The following HDAC1 variants were observed in gnomAD, a reference collection of about 807,000 sequenced individuals.
HDAC1 encodes histone deacetylase 1, also known as protein deacetylase HDAC1.
A neutral mutation model predicts 65.5 loss-of-function variants in HDAC1; 18 were observed. The observed-to-expected ratio is 0.27, with a 90% CI of 0.19 to 0.41. HDAC1 has a LOEUF of 0.41. HDAC1 is among the 10% of genes least tolerant of loss of function. The pLI is 1.00. For missense variants in HDAC1, 373 were observed against 625.2 expected (o/e 0.60, Z 4.30); for synonymous variants, 211 against 227.9 (o/e 0.93, Z 0.67).
At chr1:32,322,564 C>T (rs181749974) in intron 3 of HDAC1, among the ~76,000 whole-genome samples, 3 of 152,256 alleles carry the variant, frequency 2.0e-5, no homozygotes, top group Non-Finnish European at 1.5e-5. Context: ...CCACCGCGCC[C>T]GGCCAGTAGT....
Position 32,327,454 on chromosome 1 carries a change from G to A in HDAC1, c.495-82G>A. On this transcript the variant is annotated intron_variant, in intron 5 of 13. Coordinates refer to ENST00000373548, the MANE Select transcript of HDAC1 (RefSeq NM_004964.3). The surrounding 1 kb of genome is among the most constrained non-coding windows in gnomAD (Gnocchi z 6.0). ...TAGAGATACCTGAGGGAGGCAGCCA[G>A]CCCGGTAAGCTGGGAGCTAGCGCCC... 1.9e-6 allele frequency: 2 copies of A among 1,066,570 alleles called. No homozygotes were observed. Among genetic ancestry groups the A allele is most frequent in the Non-Finnish European group, 2.9e-6 (2 of 699,280 alleles). 66.1% of individuals were successfully genotyped at this position (1,066,570 alleles called of 1,614,324 possible). A position where few individuals can be genotyped will look rare whatever the true frequency, so the allele number is the denominator to read the frequency against.
At chr1:32,308,818 C>T (rs571431680) in intron 2 of HDAC1, among the ~76,000 whole-genome samples, 5 of 149,752 alleles carry the variant, frequency 3.3e-5, no homozygotes, top group Non-Finnish European at 5.9e-5. Context: ...GCGCCTGGCC[C>T]GTTTTATTTT....
chr1:32,306,163 C>G (rs1398751909), intron 2 of HDAC1, among the ~76,000 whole-genome samples: 1 of 151,648 alleles, frequency 6.6e-6, no homozygotes, highest in East Asian at 1.9e-4. Flanking sequence ...TGGCTATTTG[C>G]CCTTTCACTT....
rs1403962233 is a variant in HDAC1 at position 32,292,111 on chromosome 1, G to T, written c.-59G>T. 7.2e-6 allele frequency: 11 copies of T among 1,522,156 alleles called. No homozygotes were observed. The highest frequency in any genetic ancestry group is 6.9e-5 in the African/African-American group (5 of 72,470). The allele number at this position is 1,522,156 out of a possible 1,614,324, so 94.3% of individuals were successfully genotyped here. A position where few individuals can be genotyped will look rare whatever the true frequency, so the allele number is the denominator to read the frequency against. On this transcript the variant is annotated 5_prime_UTR_variant, in exon 1 of 14. Transcript: ENST00000373548. Reference sequence around the variant, plus strand: ...CTCCCCCCTGGGTCGGACGCTGAGCGGAGCCGCGGGCGGGAGGGCGGACGG... The same window carrying T: ...CTCCCCCCTGGGTCGGACGCTGAGCTGAGCCGCGGGCGGGAGGGCGGACGG...
At chr1:32,305,675 A>T (rs1221873796) in intron 2 of HDAC1, among the ~76,000 whole-genome samples, 1 of 144,404 alleles carries the variant, frequency 6.9e-6, no homozygotes, top group Non-Finnish European at 1.5e-5. Flanking sequence ...CACTGGTGCG[A>T]TCTCGGCTCA....
At chr1:32,328,963 C>A in intron 6 of HDAC1, 105 bp from the exon 7 acceptor site, 1 of 776,860 alleles carries the variant, frequency 1.3e-6, no homozygotes, top group East Asian at 2.4e-5. Flanking sequence ...CATCATGGGC[C>A]TAGCTTGTCT....
At chr1:32,320,923 A>AAC (rs1641132782) in intron 3 of HDAC1, among the ~76,000 whole-genome samples, 2 of 141,874 alleles carry the variant, frequency 1.4e-5, no homozygotes, top group African/African-American at 5.3e-5. Flanking sequence ...AAAAAAAAAA[A>AAC]CAGAAAAAGA....
Position 32,315,268 on chromosome 1 carries a change from G to T in HDAC1, c.163-1397G>T, listed in dbSNP as rs1354672755. Among the ~76,000 whole-genome samples the T allele has an allele frequency of 2.0e-5, 3 of 152,028 alleles. No individual in the cohort carries two copies. The East Asian group carries it at 5.8e-4, about 29-fold the overall frequency. On this transcript the variant is annotated intron_variant, in intron 2 of 13. Coordinates refer to ENST00000373548, the MANE Select transcript of HDAC1 (RefSeq NM_004964.3). ...TATAAAGGATTTCCCATCTGTTTCA[G>T]TTTTCATTAGATACCCTTTTTTCGT... is the stretch of plus-strand genomic sequence containing the variant.
intron 2 of HDAC1, among the ~76,000 whole-genome samples, chr1:32,307,007 A>T (rs1333487545): frequency 2.0e-5 from 3 of 152,142 alleles, no homozygotes; most frequent in Non-Finnish European, 4.4e-5. Flanking sequence ...GCACTTTGGG[A>T]GGCCAAAGCC....
intron 2 of HDAC1, among the ~76,000 whole-genome samples, chr1:32,303,612 A>C (rs763279992): frequency 6.6e-6 from 1 of 152,182 alleles, no homozygotes; most frequent in Non-Finnish European, 1.5e-5. Flanking sequence ...CTGATCTTTG[A>C]GTTTTTAAAG....
chr1:32,309,485 A>G (rs1048410994), intron 2 of HDAC1, among the ~76,000 whole-genome samples: 3 of 152,016 alleles, frequency 2.0e-5, no homozygotes, highest in Admixed American at 1.3e-4. Context: ...TCAGGAGTTC[A>G]AGACAAACCT....
chr1:32,332,711 AGAG>A lies in HDAC1; in HGVS notation c.1387_1389del (p.Glu463del), dbSNP rs887188647. 1.2e-4 allele frequency: 192 copies of A among 1,555,382 alleles called. No individual in the cohort carries two copies. The Admixed American group carries it at 3.7e-3, about 30-fold the overall frequency. Reference sequence around the variant, plus strand: ...ACTCTTGTGTTCTAGAAGTCACCGAAGAGGAGAAAACCAAGGAGGAGAAGCCAG... The same window carrying A: ...ACTCTTGTGTTCTAGAAGTCACCGAAGAGAAAACCAAGGAGGAGAAGCCAG... On this transcript the variant is annotated inframe_deletion, in exon 13 of 14. Transcript: ENST00000373548.
At position 32,322,625 on chromosome 1, in the gene HDAC1, T is replaced by C. The variant is rs904314092; in HGVS notation, c.281-1854T>C. 2.6e-5 allele frequency among the ~76,000 whole-genome samples: 4 copies of C among 152,242 alleles called. No homozygotes were observed. The East Asian group carries it at 7.7e-4, about 29-fold the overall frequency. On this transcript the variant is annotated intron_variant, in intron 3 of 13. Transcript: ENST00000373548. ...GAGCTATAAAGTTCCTCTAGGTCTG[T>C]GAGTCTACAGCCTCCAGGTGTGCTT...
intron 2 of HDAC1, 33 bp from the exon 3 acceptor site, chr1:32,316,632 A>T: frequency 1.5e-6 from 2 of 1,295,998 alleles, no homozygotes; most frequent in South Asian, 2.4e-5. Context: ...CGTGGTCAAA[A>T]ATAACTTGCC....
chr1:32,330,296 A>C lies in HDAC1; in HGVS notation c.730-282A>C. The stretch of plus-strand genomic sequence containing the variant: ...GGCTTCCTGGAGGAAGTGGCACTAG[A>C]GCTTGGGCAACAGAAGAGACTTAGG... On this transcript the variant is annotated intron_variant, in intron 7 of 13. Transcript: ENST00000373548. The surrounding 1 kb of genome is among the most constrained non-coding windows in gnomAD (Gnocchi z 4.2). 1 of 400,176 alleles carries C rather than the reference A, an allele frequency of 2.5e-6. No individual in the cohort carries two copies. Among genetic ancestry groups the C allele is most frequent in the Non-Finnish European group, 4.6e-6 (1 of 215,736 alleles). 24.8% of individuals were successfully genotyped at this position (400,176 alleles called of 1,614,324 possible).
intron 3 of HDAC1, 112 bp from the exon 4 acceptor site, chr1:32,324,367 G>A (rs1641188201): frequency 4.0e-6 from 3 of 744,542 alleles, no homozygotes; most frequent in African/African-American, 1.7e-5. Context: ...AGTAGAGCCT[G>A]GACTAGAACC....
At chr1:32,298,443 TCTC>T (rs1640802222) in intron 1 of HDAC1, among the ~76,000 whole-genome samples, 1 of 151,656 alleles carries the variant, frequency 6.6e-6, no homozygotes, top group Non-Finnish European at 1.5e-5. Flanking sequence ...ATGTTCTTGA[TCTC>T]CTTACCTCAT....
chr1:32,309,049 C>T (rs1406299527), intron 2 of HDAC1, among the ~76,000 whole-genome samples: 1 of 152,084 alleles, frequency 6.6e-6, no homozygotes, highest in Non-Finnish European at 1.5e-5. Flanking sequence ...TGGGCCCAAG[C>T]AGTCTGCCCC....
At position 32,329,691 on chromosome 1, in the gene HDAC1, G is replaced by A. The variant is rs1641265381; in HGVS notation, c.729+531G>A. The A allele has an allele frequency of 6.3e-6, 1 of 159,960 alleles. No homozygotes were observed. Among genetic ancestry groups the A allele is most frequent in the Admixed American group, 5.9e-5 (1 of 16,924 alleles). 9.9% of individuals were successfully genotyped at this position (159,960 alleles called of 1,614,324 possible). A position where few individuals can be genotyped will look rare whatever the true frequency, so the allele number is the denominator to read the frequency against. Reference sequence around the variant, plus strand: ...TGTGGCATGTTCCATGGGTAGGCTGGCCTAGTGCCTGTGTTTTTGAGGGAT... The same window carrying A: ...TGTGGCATGTTCCATGGGTAGGCTGACCTAGTGCCTGTGTTTTTGAGGGAT... On this transcript the variant is annotated intron_variant, in intron 7 of 13. Transcript: ENST00000373548. This position sits in a 1 kb window ranked among gnomAD's most constrained non-coding sequence, Gnocchi z 4.1.
Sources: allele counts gnomAD v4.1 joint callset (sites outside exome capture counted in the v4.1 genomes callset), GRCh38; gene constraint gnomAD v4.1.1; non-coding constraint Gnocchi (gnomAD v3.1); transcripts MANE v1.5; gene names NCBI Gene and HGNC (gene_info 2026-07-23, HGNC 2026-07-21).